Variants in MAT1A observed in about 807,000 individuals in gnomAD.
The protein encoded by MAT1A is methionine adenosyltransferase 1A, also known as S-adenosylmethionine synthase isoform type-1.
A neutral mutation model predicts 44.0 loss-of-function variants in MAT1A; 19 were observed. That is an observed-to-expected ratio of 0.43 (90% CI 0.30 to 0.63). The LOEUF is 0.63. MAT1A is among the 30% of genes least tolerant of loss of function. The pLI is 0.12. For missense variants in MAT1A, 397 were observed against 531.0 expected, an observed-to-expected ratio of 0.75 and a Z score of 2.48; for synonymous variants, 205 against 205.6, an observed-to-expected ratio of 1.00 and a Z score of 0.03.
intron 3 of MAT1A, among the ~76,000 whole-genome samples, chr10:80,282,643 C>G (rs190087497): frequency 2.0e-5 from 3 of 152,158 alleles, no homozygotes; most frequent in Non-Finnish European, 4.4e-5. Context: ...ATGTCCCGAC[C>G]AGGAGAATTA....
intron 5 of MAT1A, among the ~76,000 whole-genome samples, chr10:80,278,158 C>T (rs1249063515): frequency 2.6e-5 from 4 of 152,194 alleles, no homozygotes; most frequent in Admixed American, 6.5e-5. Flanking sequence ...AGCTGGCCCG[C>T]GGTCCTGCCT....
At chr10:80,275,742 A>T (rs1180849281) in intron 6 of MAT1A, among the ~76,000 whole-genome samples, 1 of 152,264 alleles carries the variant, frequency 6.6e-6, no homozygotes, top group Non-Finnish European at 1.5e-5. Context: ...TCCTGCAAGA[A>T]AAAACAATAA....
chr10:80,278,385 A>T (rs1266755276), intron 5 of MAT1A, among the ~76,000 whole-genome samples: 1 of 152,190 alleles, frequency 6.6e-6, no homozygotes, highest in Admixed American at 6.5e-5. Flanking sequence ...AGGAAGAGAA[A>T]AAACAGTCAG....
chr10:80,289,299 T>A (rs759741330), intron 1 of MAT1A, 34 bp downstream of exon 1: 3 of 1,554,536 alleles, frequency 1.9e-6, no homozygotes, highest in South Asian at 2.2e-5. Flanking sequence ...CTTGGAATGA[T>A]CGTTTTCCAG....
chr10:80,289,536 T>G lies in MAT1A; in HGVS notation c.-113A>C, dbSNP rs1351823769. ...TTCTTTCAACCCAACAGGCTTGTCT[T>G]TGGCAGAGCCACGGGGATCACTTCT... On this transcript the variant is annotated 5_prime_UTR_variant, in exon 1 of 9. Transcript: ENST00000372213. The G allele has an allele frequency of 1.2e-6, 1 of 811,132 alleles. No homozygotes were observed. The highest frequency in any genetic ancestry group is 1.9e-5 in the Admixed American group (1 of 51,838). 50.2% of individuals were successfully genotyped at this position (811,132 alleles called of 1,614,324 possible). A position where few individuals can be genotyped will look rare whatever the true frequency, so the allele number is the denominator to read the frequency against.
intron 4 of MAT1A, 127 bp downstream of exon 4, chr10:80,280,553 G>A: frequency 9.8e-7 from 1 of 1,024,374 alleles, no homozygotes; most frequent in Non-Finnish European, 1.5e-6. Context: ...CCGTGAAGCT[G>A]GGGTTCCCAA....
intron 3 of MAT1A, among the ~76,000 whole-genome samples, 188 bp downstream of exon 3, chr10:80,283,728 T>C (rs767424463): frequency 6.6e-6 from 1 of 152,264 alleles, no homozygotes; most frequent in Admixed American, 6.5e-5. Flanking sequence ...CCACTGGGCA[T>C]AGTCGCCTGT....
intron 1 of MAT1A, among the ~76,000 whole-genome samples, chr10:80,287,479 A>G (rs115189080): frequency 0.015 from 2,304 of 152,332 alleles, 55 homozygotes; most frequent in African/African-American, 0.053. Flanking sequence ...GACAATTACA[A>G]TGGCAAGTAC....
Position 80,275,142 on chromosome 10 carries a change from C to T in MAT1A, c.826G>A (p.Ala276Thr), listed in dbSNP as rs1841468906. ...CCAGAGAAGGCCCCACCACCATGAG[C>T]CCCCCAGCCGCCATAGGTGTCCACA... ...IIVDTYGGWG[A>T]HGGGAFSGKD... The change falls in exon 7 of 9, where the codon GCT becomes ACT. Residue 276 changes from alanine (A) to threonine (T), a missense_variant. Physicochemically the swap from Ala to Thr is moderately conservative, Grantham distance 58. Coordinates refer to ENST00000372213, the MANE Select transcript of MAT1A (RefSeq NM_000429.3). 2 of 1,612,794 alleles carry T rather than the reference C, an allele frequency of 1.2e-6. No homozygotes were observed. Among genetic ancestry groups the T allele is most frequent in the Middle Eastern group, 1.7e-4 (1 of 6,046 alleles).
At chr10:80,283,393 A>G (rs1011791095) in intron 3 of MAT1A, among the ~76,000 whole-genome samples, 20 of 152,238 alleles carry the variant, frequency 1.3e-4, no homozygotes, top group African/African-American at 4.8e-4. Flanking sequence ...TGTCAGCACC[A>G]GTTCTGGACT....
At chr10:80,279,042 C>T in intron 5 of MAT1A, among the ~76,000 whole-genome samples, 1 of 152,136 alleles carries the variant, frequency 6.6e-6, no homozygotes, top group South Asian at 2.1e-4. Flanking sequence ...AGTTGGAAGA[C>T]CATAAAAGGT....
intron 1 of MAT1A, 124 bp downstream of exon 1, chr10:80,289,209 C>T: frequency 1.2e-6 from 1 of 820,376 alleles, no homozygotes; most frequent in Non-Finnish European, 2.1e-6. Context: ...TGGATCAAAA[C>T]AACACACGGT....
In MAT1A at chr10:80,289,456, G is replaced by A. The variant is rs1841692530; in HGVS notation, c.-33C>T. On this transcript the variant is annotated 5_prime_UTR_variant, in exon 1 of 9. Coordinates refer to ENST00000372213, the MANE Select transcript of MAT1A (RefSeq NM_000429.3). The stretch of plus-strand genomic sequence containing the variant: ...CACTTCTCCACTCACGCTTCTTTCA[G>A]TGAACAATTTTGAGGCTGTGACTTT... 1 of 1,543,856 alleles carries A rather than the reference G, an allele frequency of 6.5e-7. No individual in the cohort carries two copies. Among genetic ancestry groups the A allele is most frequent in the African/African-American group, 1.4e-5 (1 of 73,324 alleles).
intron 5 of MAT1A, among the ~76,000 whole-genome samples, chr10:80,277,952 T>C (rs1841513487): frequency 6.6e-6 from 1 of 152,270 alleles, no homozygotes; most frequent in African/African-American, 2.4e-5. Context: ...AGACCCATCC[T>C]GCTCACAGCC....
rs776680906 is a variant in MAT1A at position 80,276,433 on chromosome 10, G to A, written c.711C>T (p.Asp237=). Residue 237 remains aspartate (D), a synonymous_variant, in exon 6 of 9, where the codon GAC becomes GAT. Transcript: ENST00000372213. The part of the protein sequence containing the change: ...IRAVVPAKYL[D]EDTVYHLQPS... ...GCTGCAGGTGGTAGACGGTGTCTTC[G>A]TCCAGGTACTTGGCCGGCACCACGG... The A allele has an allele frequency of 2.7e-5, 44 of 1,614,154 alleles. No homozygotes were observed. Among genetic ancestry groups the A allele is most frequent in the African/African-American group, 8.0e-5 (6 of 75,064 alleles).
In MAT1A at chr10:80,283,905, C is replaced by T. The variant is rs1238216024; in HGVS notation, c.292+11G>A. On this transcript the variant is annotated intron_variant, in intron 3 of 8. Transcript: ENST00000372213. ...GCAACAGGGATTTCAGACCCGGAGGCCTGCCCTCACCCTTGGCTGAGTCAT... is the reference window on the plus strand; with the variant it reads ...GCAACAGGGATTTCAGACCCGGAGGTCTGCCCTCACCCTTGGCTGAGTCAT... 23 of 1,613,696 alleles carry T rather than the reference C, an allele frequency of 1.4e-5. No individual in the cohort carries two copies. The highest frequency in any genetic ancestry group is 1.6e-5 in the Non-Finnish European group (19 of 1,180,056).
In MAT1A at chr10:80,284,051, G is replaced by A. The variant is rs750592027; in HGVS notation, c.170-13C>T. 41 of 1,613,464 alleles carry A rather than the reference G, an allele frequency of 2.5e-5. No homozygotes were observed. The highest frequency in any genetic ancestry group is 9.3e-5 in the African/African-American group (7 of 74,920). On this transcript the variant is annotated splice_polypyrimidine_tract_variant and intron_variant, in intron 2 of 8. Coordinates refer to ENST00000372213, the MANE Select transcript of MAT1A (RefSeq NM_000429.3). ...TTGCACACTGTCTCTGAAAGGGAGC[G>A]GGGAGCGAGGAGAGTTAGCAGCCAA...
chr10:80,286,167 TAAAC>T (rs1287520735), intron 1 of MAT1A, among the ~76,000 whole-genome samples: 1 of 152,066 alleles, frequency 6.6e-6, no homozygotes, highest in Non-Finnish European at 1.5e-5. Flanking sequence ...AACTCACACA[TAAAC>T]AAACACACAC....
At chr10:80,284,366 T>C (rs1240321318) in intron 2 of MAT1A, among the ~76,000 whole-genome samples, 1 of 152,186 alleles carries the variant, frequency 6.6e-6, no homozygotes, top group African/African-American at 2.4e-5. Context: ...GATGGTTGTA[T>C]GTAGCTGTCA....
Sources: gnomAD v4.1 joint callset for allele counts (sites outside exome capture counted in the v4.1 genomes callset) on GRCh38, gnomAD v4.1.1 for gene constraint, MANE v1.5 for transcripts, NCBI Gene and HGNC (gene_info 2026-07-23, HGNC 2026-07-21) for gene names.